Variants in HCN1 observed in about 807,000 individuals in gnomAD.
HCN1 encodes the protein potassium/sodium hyperpolarization-activated cyclic nucleotide-gated channel 1.
A neutral mutation model predicts 78.9 loss-of-function variants in HCN1; 13 were observed. The observed-to-expected ratio is 0.16, with a 90% CI of 0.11 to 0.26. HCN1 has a LOEUF of 0.26. Among genes scored for constraint, HCN1 ranks in the 10% least tolerant of loss-of-function variants. HCN1 has a pLI of 1.00. For missense variants in HCN1, 810 were observed against 1,154.3 expected, an observed-to-expected ratio of 0.70 and a Z score of 4.32; for synonymous variants, 552 against 455.5, an observed-to-expected ratio of 1.21 and a Z score of -2.70.
intron 3 of HCN1, among the ~76,000 whole-genome samples, chr5:45,397,738 T>C (rs1313232470): frequency 6.6e-6 from 1 of 151,594 alleles, no homozygotes; most frequent in Admixed American, 6.6e-5. Context: ...AATATAAGCT[T>C]ACAAATTTTA....
At chr5:45,498,938 A>G (rs958560235) in intron 2 of HCN1, among the ~76,000 whole-genome samples, 10 of 152,266 alleles carry the variant, frequency 6.6e-5, no homozygotes, top group Non-Finnish European at 1.2e-4. Context: ...CAGTCTGCCC[A>G]TTCTCAGATC....
At chr5:45,462,074 T>G (rs537534975) in intron 2 of HCN1, 67 bp from the exon 3 acceptor site, 3 of 1,200,612 alleles carry the variant, frequency 2.5e-6, no homozygotes, top group African/African-American at 3.0e-5. Flanking sequence ...ATACTACTGA[T>G]AGTAGGCATT....
intron 1 of HCN1, among the ~76,000 whole-genome samples, chr5:45,653,006 A>G (rs575105568): frequency 1.3e-5 from 2 of 152,114 alleles, no homozygotes; most frequent in South Asian, 4.1e-4. Flanking sequence ...ATTTATATCC[A>G]CTAGACTTTC....
At chr5:45,614,767 T>C (rs938359778) in intron 2 of HCN1, among the ~76,000 whole-genome samples, 3 of 152,050 alleles carry the variant, frequency 2.0e-5, no homozygotes, top group African/African-American at 7.2e-5. Context: ...TAAACAGTAC[T>C]GCAAAAGAAT....
chr5:45,262,498 T>G lies in HCN1; in HGVS notation c.2096A>C (p.Tyr699Ser). 1 of 1,612,074 alleles carries G rather than the reference T, an allele frequency of 6.2e-7. No homozygotes were observed. The highest frequency in any genetic ancestry group is 8.5e-7 in the Non-Finnish European group (1 of 1,179,426). ...QPSAILSPCS[Y>S]TTAVCSPPVQ... ...AGGAGGGCTGCAGACCGCGGTGGTG[T>G]AGGAGCAGGGTGACAGGATGGCTGA... Residue 699 changes from tyrosine to serine, a missense_variant, in exon 8 of 8, where the codon TAC (tyrosine) becomes TCC (serine). Tyr to Ser is a moderately radical substitution (Grantham distance 144). This residue lies in a region of HCN1 where 398 missense variants were observed against 381.3 expected (regional missense o/e 1.04). Transcript: ENST00000303230.
intron 5 of HCN1, among the ~76,000 whole-genome samples, chr5:45,347,422 C>CAG (rs1267054239): frequency 1.3e-5 from 2 of 152,034 alleles, no homozygotes; most frequent in African/African-American, 2.4e-5. Flanking sequence ...GGGGAAAAAA[C>CAG]AGCAGAAAAA....
chr5:45,627,988 T>G (rs1745199957), intron 2 of HCN1, among the ~76,000 whole-genome samples: 1 of 152,224 alleles, frequency 6.6e-6, no homozygotes, highest in African/African-American at 2.4e-5. Context: ...ATATATCAAA[T>G]TTTATTCGTG....
chr5:45,489,468 A>G (rs1741835882), intron 2 of HCN1, among the ~76,000 whole-genome samples: 1 of 152,174 alleles, frequency 6.6e-6, no homozygotes, highest in Admixed American at 6.6e-5. Context: ...AGAAGCTTGA[A>G]AAGTACACAA....
intron 2 of HCN1, among the ~76,000 whole-genome samples, chr5:45,505,328 A>AG (rs1487218943): frequency 6.6e-6 from 1 of 152,202 alleles, no homozygotes; most frequent in Non-Finnish European, 1.5e-5. Context: ...ATGGCTAGCC[A>AG]GTTTTCCCAG....
intron 2 of HCN1, among the ~76,000 whole-genome samples, chr5:45,463,763 T>G (rs905599980): frequency 2.0e-5 from 3 of 152,106 alleles, no homozygotes; most frequent in Non-Finnish European, 4.4e-5. Flanking sequence ...CTTAGTTTTT[T>G]TGTTGTTGTT....
chr5:45,513,316 T>C (rs1742452708), intron 2 of HCN1, among the ~76,000 whole-genome samples: 1 of 152,070 alleles, frequency 6.6e-6, no homozygotes, highest in African/African-American at 2.4e-5. Context: ...GAATGAGAGC[T>C]CATAGGAAAG....
At chr5:45,531,478 T>C (rs1437014534) in intron 2 of HCN1, among the ~76,000 whole-genome samples, 1 of 152,172 alleles carries the variant, frequency 6.6e-6, no homozygotes, top group Non-Finnish European at 1.5e-5. Flanking sequence ...CCTGGTACTC[T>C]ACTAGTCCCG....
intron 3 of HCN1, among the ~76,000 whole-genome samples, chr5:45,431,260 T>C (rs1740458068): frequency 6.6e-6 from 1 of 152,198 alleles, no homozygotes; most frequent in African/African-American, 2.4e-5. Context: ...AAAGTGTCTC[T>C]TCATGTCCTT....
intron 5 of HCN1, among the ~76,000 whole-genome samples, chr5:45,321,113 C>T: frequency 6.6e-6 from 1 of 151,700 alleles, no homozygotes. Context: ...TTATACCTTC[C>T]TTTCAAAGAA....
intron 2 of HCN1, among the ~76,000 whole-genome samples, chr5:45,616,042 G>T (rs532979904): frequency 5.6e-4 from 83 of 148,690 alleles, no homozygotes; most frequent in Non-Finnish European, 9.7e-4. Flanking sequence ...ATGACTAAAA[G>T]AGGTATTTGG....
At chr5:45,309,797 T>C (rs1265157756) in intron 5 of HCN1, among the ~76,000 whole-genome samples, 2 of 152,148 alleles carry the variant, frequency 1.3e-5, no homozygotes, top group Non-Finnish European at 2.9e-5. Flanking sequence ...TTTGCATCAA[T>C]GTTCATCAAG....
At chr5:45,355,482 G>A (rs1328415173) in intron 4 of HCN1, among the ~76,000 whole-genome samples, 3 of 151,840 alleles carry the variant, frequency 2.0e-5, no homozygotes, top group Non-Finnish European at 2.9e-5. Flanking sequence ...TTTCATAATC[G>A]CTGCTATATG....
At chr5:45,415,324 A>G (rs1335080632) in intron 3 of HCN1, among the ~76,000 whole-genome samples, 2 of 151,996 alleles carry the variant, frequency 1.3e-5, no homozygotes, top group Non-Finnish European at 2.9e-5. Context: ...TTACACGTCA[A>G]ATCATGCCAC....
intron 4 of HCN1, among the ~76,000 whole-genome samples, chr5:45,389,820 G>C (rs1579863087): frequency 6.6e-6 from 1 of 152,172 alleles, no homozygotes; most frequent in Non-Finnish European, 1.5e-5. Context: ...TTAGATTCTA[G>C]GTTAGGAATA....
Sources: allele counts gnomAD v4.1 joint callset (sites outside exome capture counted in the v4.1 genomes callset), GRCh38; gene constraint gnomAD v4.1.1; regional missense constraint gnomAD v4.1.1; transcripts MANE v1.5; gene names NCBI Gene and HGNC (gene_info 2026-07-23, HGNC 2026-07-21).